Variants in FMNL2 observed in about 807,000 individuals in gnomAD.
FMNL2 encodes formin like 2.
FMNL2 carries 51 observed loss-of-function variants against 130.2 expected under a neutral mutation model. That is an observed-to-expected ratio of 0.39 (90% confidence interval 0.31 to 0.49). The LOEUF (loss-of-function observed/expected upper bound fraction) is 0.49. Ranked by LOEUF, FMNL2 falls within the 20% of genes least tolerant of loss-of-function variation. The probability of loss-of-function intolerance (pLI) is 0.85; values close to 1 mark genes in which losing one functional copy is unlikely to be tolerated. For synonymous variants in FMNL2, 465 were observed against 467.1 expected, an observed-to-expected ratio of 1.00 and a Z score of 0.06; for missense variants, 977 against 1,316.2, an observed-to-expected ratio of 0.74 and a Z score of 3.99.
chr2:152,408,065 A>G (rs1366083289), intron 1 of FMNL2, among the ~76,000 whole-genome samples: 1 of 152,194 alleles, frequency 6.6e-6, no homozygotes, highest in Non-Finnish European at 1.5e-5. Flanking sequence ...GTGGCAGAGA[A>G]CAGGGTTGGA....
chr2:152,594,393 C>T (rs1697642848), intron 9 of FMNL2, among the ~76,000 whole-genome samples: 1 of 152,204 alleles, frequency 6.6e-6, no homozygotes, highest in African/African-American at 2.4e-5. Flanking sequence ...GGCCAGTTGG[C>T]AGGAGAGCAA....
chr2:152,591,060 G>A (rs1400615567), intron 9 of FMNL2, among the ~76,000 whole-genome samples: 2 of 133,256 alleles, frequency 1.5e-5, no homozygotes, highest in African/African-American at 5.7e-5. Context: ...CCCAGGCTGG[G>A]GTGCAGTGGC....
At chr2:152,388,538 C>A (rs1215563501) in intron 1 of FMNL2, among the ~76,000 whole-genome samples, 2 of 152,132 alleles carry the variant, frequency 1.3e-5, no homozygotes, top group Non-Finnish European at 2.9e-5. Context: ...CCACCGAGTC[C>A]CTCCCATGAC....
chr2:152,637,507 T>A, intron 22 of FMNL2, 66 bp from the exon 23 acceptor site: 1 of 1,270,408 alleles, frequency 7.9e-7, no homozygotes, highest in Non-Finnish European at 1.1e-6. Context: ...GCATCAGCGT[T>A]CCCCCTAGAG....
intron 1 of FMNL2, among the ~76,000 whole-genome samples, chr2:152,512,689 G>C (rs1204356247): frequency 6.6e-6 from 1 of 152,134 alleles, no homozygotes; most frequent in African/African-American, 2.4e-5. Context: ...GAGATTTAGG[G>C]AATTCATTTT....
intron 1 of FMNL2, among the ~76,000 whole-genome samples, chr2:152,467,258 A>G (rs1277302849): frequency 6.6e-6 from 1 of 152,182 alleles, no homozygotes; most frequent in Admixed American, 6.5e-5. Flanking sequence ...GGAAGTGCCA[A>G]CATATTCCTC....
intron 1 of FMNL2, among the ~76,000 whole-genome samples, chr2:152,475,487 G>GT (rs1286327964): frequency 1.3e-5 from 2 of 149,420 alleles, no homozygotes; most frequent in African/African-American, 5.1e-5. Context: ...GTTTCATTTT[G>GT]TTTTTTGTTT....
chr2:152,455,828 C>G (rs1688920202), intron 1 of FMNL2, among the ~76,000 whole-genome samples: 1 of 152,222 alleles, frequency 6.6e-6, no homozygotes, highest in Non-Finnish European at 1.5e-5. Flanking sequence ...GATCCTCCCA[C>G]CTCAGCCCCC....
chr2:152,519,519 T>C (rs1172532389), intron 1 of FMNL2, among the ~76,000 whole-genome samples: 2 of 152,234 alleles, frequency 1.3e-5, no homozygotes, highest in African/African-American at 2.4e-5. Context: ...TCCACGGGAA[T>C]GTCTAGTAGA....
At chr2:152,436,988 A>C (rs139043068) in intron 1 of FMNL2, among the ~76,000 whole-genome samples, 320 of 152,344 alleles carry the variant, frequency 2.1e-3, no homozygotes, top group African/African-American at 7.4e-3. Flanking sequence ...GTAGAAGTCC[A>C]GCATCAAGGC....
intron 1 of FMNL2, among the ~76,000 whole-genome samples, chr2:152,381,936 C>G (rs1684493320): frequency 6.6e-6 from 1 of 151,858 alleles, no homozygotes; most frequent in African/African-American, 2.4e-5. Flanking sequence ...GAGGCTGGAA[C>G]TACAAGCAGG....
intron 1 of FMNL2, among the ~76,000 whole-genome samples, chr2:152,367,898 C>T (rs1683650365): frequency 6.6e-6 from 1 of 152,172 alleles, no homozygotes; most frequent in Non-Finnish European, 1.5e-5. Flanking sequence ...TCACGCCACA[C>T]CACTCTGCGG....
At chr2:152,453,420 G>A (rs1688765466) in intron 1 of FMNL2, among the ~76,000 whole-genome samples, 1 of 152,176 alleles carries the variant, frequency 6.6e-6, no homozygotes, top group South Asian at 2.1e-4. Flanking sequence ...TTAACACTTG[G>A]TGGGGAAGGG....
chr2:152,353,191 A>G (rs1028125659), intron 1 of FMNL2, among the ~76,000 whole-genome samples: 1 of 152,224 alleles, frequency 6.6e-6, no homozygotes, highest in Non-Finnish European at 1.5e-5. Context: ...ATAATGTGCT[A>G]TAGAAGGACA....
chr2:152,431,965 TAAAAAAA>T (rs60639670), intron 1 of FMNL2, among the ~76,000 whole-genome samples: 6 of 82,174 alleles, frequency 7.3e-5, no homozygotes, highest in African/African-American at 1.3e-4. Context: ...ACCCTATCTT[TAAAAAAA>T]AAAAAAAAAA....
At chr2:152,505,531 T>A (rs1692117267) in intron 1 of FMNL2, among the ~76,000 whole-genome samples, 1 of 152,228 alleles carries the variant, frequency 6.6e-6, no homozygotes, top group Non-Finnish European at 1.5e-5. Context: ...ACCCAAGTCA[T>A]TACTTGGCTT....
chr2:152,437,751 T>A (rs1385482913), intron 1 of FMNL2, among the ~76,000 whole-genome samples: 1 of 152,186 alleles, frequency 6.6e-6, no homozygotes, highest in African/African-American at 2.4e-5. Flanking sequence ...GAAACAAAAG[T>A]GACACAGTAG....
chr2:152,384,436 A>C lies in FMNL2; in HGVS notation c.117+48716A>C, dbSNP rs1271667008. 2.6e-5 allele frequency among the ~76,000 whole-genome samples: 4 copies of C among 152,138 alleles called. No individual in the cohort carries two copies. The East Asian group carries it at 7.7e-4, about 29-fold the overall frequency. On this transcript the variant is annotated intron_variant, in intron 1 of 25. Transcript: ENST00000288670. The stretch of plus-strand genomic sequence containing the variant: ...AGACATCGATATTGCTGGCCAGGAT[A>C]GGGGCTAGGCCATGGAATGACTGTG...
intron 12 of FMNL2, 63 bp from the exon 13 acceptor site, chr2:152,617,028 G>T: frequency 6.9e-7 from 1 of 1,447,758 alleles, no homozygotes; most frequent in South Asian, 1.2e-5. Context: ...TGCACTTTCT[G>T]AGAACTGAGG....
Sources: gnomAD v4.1 joint callset for allele counts (sites outside exome capture counted in the v4.1 genomes callset) on GRCh38, gnomAD v4.1.1 for gene constraint, MANE v1.5 for transcripts, NCBI Gene and HGNC (gene_info 2026-07-23, HGNC 2026-07-21) for gene names.